Variants in TAS1R2 observed in about 807,000 individuals in gnomAD.
TAS1R2 encodes taste receptor type 1 member 2.
Under a neutral mutation model 49.3 loss-of-function variants are expected in TAS1R2, and 47 were observed. That is an observed-to-expected ratio of 0.95 (90% CI 0.75 to 1.22). The LOEUF is 1.22. TAS1R2 is among the 50% of genes most tolerant of loss of function. The pLI, the probability that TAS1R2 is intolerant of heterozygous loss-of-function variation, is 0.00. For synonymous variants in TAS1R2, 479 were observed against 467.9 expected, an observed-to-expected ratio of 1.02 and a Z score of -0.31; for missense variants, 1,155 against 1,122.1, an observed-to-expected ratio of 1.03 and a Z score of -0.42.
intron 3 of TAS1R2, among the ~76,000 whole-genome samples, chr1:18,853,885 T>G (rs36034229): frequency 0.11 from 16,610 of 151,906 alleles, 952 homozygotes; most frequent in South Asian, 0.2. Context: ...CAAAAGCAAT[T>G]CAAGGCCTTT....
At chr1:18,845,911 AAG>A (rs1933911549) in intron 4 of TAS1R2, among the ~76,000 whole-genome samples, 1 of 152,196 alleles carries the variant, frequency 6.6e-6, no homozygotes, top group African/African-American at 2.4e-5. Context: ...TGGTAAGCAG[AAG>A]AGAGAGATGA....
At chr1:18,849,506 G>A in exon 4 of TAS1R2, 1 of 1,614,212 alleles carries the variant, frequency 6.2e-7, no homozygotes, top group Non-Finnish European at 8.5e-7. Context: ...AGAAGATTTG[G>A]TGGTCCAGGA....
At position 18,840,436 on chromosome 1, in the gene TAS1R2, C is replaced by T. The variant is rs780494201; in HGVS notation, c.1683G>A (p.Trp561Ter). 1.2e-6 allele frequency: 2 copies of T among 1,614,046 alleles called. No individual in the cohort carries two copies. The highest frequency in any genetic ancestry group is 2.7e-5 in the African/African-American group (2 of 74,914). The stretch of plus-strand genomic sequence containing the variant: ...CCACAGCGATGGTGGGTGCCTCATG[C>T]CATTCCAGGAAGACCAGCTGCCGCT... The change falls in exon 6 of 6, where the codon TGG becomes TGA. Residue 561 changes from tryptophan (W) to a stop codon, truncating the protein, a stop_gained. Coordinates refer to ENST00000375371, the Ensembl canonical transcript of TAS1R2. LOFTEE classifies it low-confidence loss of function (END_TRUNC).
chr1:18,844,526 G>A lies in TAS1R2; in HGVS notation c.1468-2674C>T, dbSNP rs902661248. Reference sequence around the variant, plus strand: ...CAGCATTTTTTGGGAGGCCAAGGTCGGCAGATCAATTGAGGTCAGGAGTTC... The same window carrying A: ...CAGCATTTTTTGGGAGGCCAAGGTCAGCAGATCAATTGAGGTCAGGAGTTC... On this transcript the variant is annotated intron_variant, in intron 4 of 5. Coordinates refer to ENST00000375371, the Ensembl canonical transcript of TAS1R2. Among the ~76,000 whole-genome samples, 9 of 152,126 alleles carry A rather than the reference G, an allele frequency of 5.9e-5. No individual in the cohort carries two copies. In the South Asian group the frequency reaches 1.2e-3, roughly 21 times the overall value.
At position 18,854,355 on chromosome 1, in the gene TAS1R2, G is replaced by C; in HGVS notation, c.1115C>G (p.Ser372Cys). The C allele has an allele frequency of 6.2e-7, 1 of 1,613,936 alleles. No homozygotes were observed. The highest frequency in any genetic ancestry group is 8.5e-7 in the Non-Finnish European group (1 of 1,179,896). The change falls in exon 3 of 6, where the codon TCC becomes TGC. Residue 372 changes from serine to cysteine, a missense_variant. Coordinates refer to ENST00000375371, the Ensembl canonical transcript of TAS1R2. The surrounding 1 kb of genome is among the most constrained non-coding windows in gnomAD (Gnocchi z 4.9). Reference sequence around the variant, plus strand: ...AGAGAGCCTGAGAATGGTGTTGAAGGACAAGGTGGCGTTCAGGCAGTTGTC... The same window carrying C: ...AGAGAGCCTGAGAATGGTGTTGAAGCACAAGGTGGCGTTCAGGCAGTTGTC...
chr1:18,843,665 A>T (rs1282513701), intron 4 of TAS1R2, among the ~76,000 whole-genome samples: 1 of 152,228 alleles, frequency 6.6e-6, no homozygotes, highest in African/African-American at 2.4e-5. Context: ...TGTTTGAGTT[A>T]TCTATGCTTA....
chr1:18,849,174 A>G (rs1041799840), intron 4 of TAS1R2, 167 bp downstream of exon 4: 7 of 736,388 alleles, frequency 9.5e-6, no homozygotes, highest in Admixed American at 5.8e-5. Flanking sequence ...TTCCCAATCA[A>G]TGGGGGAAGG....
chr1:18,845,099 A>G (rs79877546), intron 4 of TAS1R2, among the ~76,000 whole-genome samples: 7,583 of 152,232 alleles, frequency 0.05, 524 homozygotes, highest in African/African-American at 0.15. Context: ...CCTGATTTCA[A>G]TGCAGCATCG....
chr1:18,841,765 C>T (rs756882023), exon 5 of TAS1R2: 9 of 1,613,910 alleles, frequency 5.6e-6, no homozygotes, highest in Admixed American at 1.7e-5. Flanking sequence ...GGAAGGCAGT[C>T]GATGCACTCG....
In TAS1R2 at chr1:18,854,273, C is replaced by A; in HGVS notation, c.1197G>T (p.Leu399=). Reference sequence around the variant, plus strand: ...TTTTGTCACAGCCGAGGAGGCTGTGCAGGGCATGGGCCACAGCATAGACCG... The same window carrying A: ...TTTTGTCACAGCCGAGGAGGCTGTGAAGGGCATGGGCCACAGCATAGACCG... The change falls in exon 3 of 6, where the codon CTG becomes CTT. Residue 399 remains leucine (L), a synonymous_variant. Coordinates refer to ENST00000375371, the Ensembl canonical transcript of TAS1R2. This position sits in a 1 kb window ranked among gnomAD's most constrained non-coding sequence, Gnocchi z 4.9. 6.2e-7 allele frequency: 1 copy of A among 1,614,176 alleles called. No individual in the cohort carries two copies. Among genetic ancestry groups the A allele is most frequent in the South Asian group, 1.1e-5 (1 of 91,076 alleles).
At chr1:18,852,228 G>A (rs1052400811) in intron 3 of TAS1R2, among the ~76,000 whole-genome samples, 8 of 152,146 alleles carry the variant, frequency 5.3e-5, no homozygotes, top group African/African-American at 9.7e-5. Flanking sequence ...ACAGAGTGCC[G>A]TGGTGTGACC....
At chr1:18,849,229 G>T in intron 4 of TAS1R2, 112 bp downstream of exon 4, 1 of 1,135,694 alleles carries the variant, frequency 8.8e-7, no homozygotes, top group South Asian at 1.5e-5. Context: ...TCCCCCCAGA[G>T]ATTGATAAAG....
chr1:18,849,733 C>A (rs894546279), intron 3 of TAS1R2, among the ~76,000 whole-genome samples, 183 bp from the exon 4 acceptor site: 19 of 152,318 alleles, frequency 1.2e-4, no homozygotes, highest in African/African-American at 4.6e-4. Flanking sequence ...TGCTTTGGAG[C>A]CAGACACATC....
At position 18,854,547 on chromosome 1, in the gene TAS1R2, G is replaced by T. The variant is rs763431159; in HGVS notation, c.923C>A (p.Pro308Gln). Residue 308 changes from proline to glutamine, a missense_variant, in exon 3 of 6, where the codon CCG becomes CAG. Coordinates refer to ENST00000375371, the Ensembl canonical transcript of TAS1R2. This position sits in a 1 kb window ranked among gnomAD's most constrained non-coding sequence, Gnocchi z 4.9. ...CAGCTCCGTGAGGTTGTGCAGGACCGGGTCGATGGCCCAGGACTCGGAGGC... is the reference window on the plus strand; with the variant it reads ...CAGCTCCGTGAGGTTGTGCAGGACCTGGTCGATGGCCCAGGACTCGGAGGC... The T allele has an allele frequency of 1.9e-6, 3 of 1,613,674 alleles. No individual in the cohort carries two copies. Among genetic ancestry groups the T allele is most frequent in the Non-Finnish European group, 2.5e-6 (3 of 1,179,822 alleles).
intron 1 of TAS1R2, among the ~76,000 whole-genome samples, chr1:18,859,252 C>G (rs189283233): frequency 6.6e-6 from 1 of 152,162 alleles, no homozygotes; most frequent in African/African-American, 2.4e-5. Flanking sequence ...TGAGATGACC[C>G]CAGTCTCAGT....
In TAS1R2 at chr1:18,854,677, G is replaced by T. The variant is rs778706835; in HGVS notation, c.793C>A (p.Gln265Lys). Residue 265 changes from glutamine to lysine, a missense_variant, in exon 3 of 6, where the codon CAG (glutamine) becomes AAG (lysine). Gln to Lys is a moderately conservative substitution (Grantham distance 53). Coordinates refer to ENST00000375371, the Ensembl canonical transcript of TAS1R2. The surrounding 1 kb of genome is among the most constrained non-coding windows in gnomAD (Gnocchi z 4.9). ...ACCACGACGCGCGCTGTGCTCTGCT[G>T]CAGCTTGTCCACAATGGTCACCAGG... The T allele has an allele frequency of 6.8e-6, 11 of 1,613,870 alleles. No individual in the cohort carries two copies. The highest frequency in any genetic ancestry group is 4.4e-5 in the South Asian group (4 of 91,058).
intron 3 of TAS1R2, among the ~76,000 whole-genome samples, chr1:18,853,922 C>T (rs1035825136): frequency 3.3e-5 from 5 of 152,178 alleles, no homozygotes; most frequent in Admixed American, 1.3e-4. Flanking sequence ...AACACAAGCC[C>T]GTCCCAGGCT....
At chr1:18,856,160 C>T (rs1212452354) in intron 2 of TAS1R2, among the ~76,000 whole-genome samples, 1 of 152,184 alleles carries the variant, frequency 6.6e-6, no homozygotes. Flanking sequence ...ACAACTCTCG[C>T]CTGTCTGATT....
At position 18,854,633 on chromosome 1, in the gene TAS1R2, C is replaced by T. The variant is rs1934099323; in HGVS notation, c.837G>A (p.Leu279=). The change falls in exon 3 of 6, where the codon CTG becomes CTA. Residue 279 remains leucine (L), a synonymous_variant. Transcript: ENST00000375371. The surrounding 1 kb of genome is among the most constrained non-coding windows in gnomAD (Gnocchi z 4.9). Reference sequence around the variant, plus strand: ...CCTCATTGAAGAAGTGGTACAGGGTCAGGTCGGGCGAGAACACGACCACGA... The same window carrying T: ...CCTCATTGAAGAAGTGGTACAGGGTTAGGTCGGGCGAGAACACGACCACGA... 6.2e-7 allele frequency: 1 copy of T among 1,613,998 alleles called. No individual in the cohort carries two copies. The highest frequency in any genetic ancestry group is 8.5e-7 in the Non-Finnish European group (1 of 1,180,004).
Sources: allele counts gnomAD v4.1 joint callset (sites outside exome capture counted in the v4.1 genomes callset), GRCh38; gene constraint gnomAD v4.1.1; non-coding constraint Gnocchi (gnomAD v3.1); transcripts MANE v1.5; gene names NCBI Gene and HGNC (gene_info 2026-07-23, HGNC 2026-07-21).